Variants in RNF43 observed in about 807,000 individuals in gnomAD.
The protein encoded by RNF43 is E3 ubiquitin-protein ligase RNF43.
In RNF43, 37 loss-of-function variants were observed where a neutral mutation model predicts 78.4. That is an observed-to-expected ratio of 0.47 (90% confidence interval 0.36 to 0.62). The LOEUF is 0.62. Among genes scored for constraint, RNF43 ranks in the 20% least tolerant of loss-of-function variants. The pLI is 0.00. For synonymous variants in RNF43, 347 were observed against 395.0 expected (o/e 0.88, Z 1.44); for missense variants, 774 against 1,007.9 (o/e 0.77, Z 3.14).
chr17:58,358,295 C>G lies in RNF43; in HGVS notation c.1481G>C (p.Ser494Thr), dbSNP rs753298734. The change falls in exon 9 of 10, where the codon AGT becomes ACT. Residue 494 changes from serine (S) to threonine (T), a missense_variant. Transcript: ENST00000407977. The surrounding 1 kb of genome is among the most constrained non-coding windows in gnomAD (Gnocchi z 6.2). ...GCTTAGGGAGCTGCAGAAAGTAGAA[C>G]TGCTGCCATGGACCCCCTGTAGGCT... The part of the protein sequence containing the change: ...DISLQGVHGS[S>T]STFCSSLSSD... 3 of 1,614,180 alleles carry G rather than the reference C, an allele frequency of 1.9e-6. No homozygotes were observed. The highest frequency in any genetic ancestry group is 2.2e-5 in the South Asian group (2 of 91,084).
chr17:58,399,549 C>T (rs1224141342), intron 2 of RNF43, among the ~76,000 whole-genome samples: 2 of 152,172 alleles, frequency 1.3e-5, no homozygotes, highest in African/African-American at 4.8e-5. Flanking sequence ...CAATCCTGAA[C>T]TCCTTCCCTT....
At chr17:58,374,391 CTT>C (rs1284759473) in intron 2 of RNF43, among the ~76,000 whole-genome samples, 5 of 149,192 alleles carry the variant, frequency 3.4e-5, no homozygotes, top group East Asian at 1.9e-4. Flanking sequence ...TCTTTTCACT[CTT>C]CTTTTTTTTT....
At position 58,360,233 on chromosome 17, in the gene RNF43, A is replaced by C; in HGVS notation, c.868T>G (p.Cys290Gly). The C allele has an allele frequency of 6.2e-7, 1 of 1,614,086 alleles. No individual in the cohort carries two copies. Among genetic ancestry groups the C allele is most frequent in the Non-Finnish European group, 8.5e-7 (1 of 1,179,924 alleles). The stretch of plus-strand genomic sequence containing the variant: ...CAGTTACGATGGAACTCATGGAGGC[A>C]GGAAATGACCCGTAGCTCCTGGAGA... The part of the protein sequence containing the change: ...SEGQELRVIS[C>G]LHEFHRNCVD... Residue 290 changes from cysteine (C) to glycine (G), a missense_variant, in exon 8 of 10, where the codon TGC becomes GGC. Physicochemically the swap from Cys to Gly is radical, Grantham distance 159. Coordinates refer to ENST00000407977, the MANE Select transcript of RNF43 (RefSeq NM_017763.6). The surrounding 1 kb of genome is among the most constrained non-coding windows in gnomAD (Gnocchi z 4.3).
intron 8 of RNF43, among the ~76,000 whole-genome samples, chr17:58,359,806 A>G (rs1972790415): frequency 6.8e-6 from 1 of 148,134 alleles, no homozygotes; most frequent in Admixed American, 6.7e-5. Context: ...CATGCCTGTA[A>G]TCTCAGCTAC....
At chr17:58,405,728 AAGAAAG>A (rs984415214) in intron 2 of RNF43, among the ~76,000 whole-genome samples, 7 of 151,638 alleles carry the variant, frequency 4.6e-5, no homozygotes, top group African/African-American at 1.5e-4. Context: ...GAAAGAAAGA[AAGAAAG>A]AAAGAAAGAA....
At position 58,363,308 on chromosome 17, in the gene RNF43, A is replaced by G. The variant is rs1032910124; in HGVS notation, c.549T>C (p.His183=). 1 of 1,614,054 alleles carries G rather than the reference A, an allele frequency of 6.2e-7. No individual in the cohort carries two copies. Among genetic ancestry groups the G allele is most frequent in the East Asian group, 2.2e-5 (1 of 44,880 alleles). Reference sequence around the variant, plus strand: ...GGGGCTCCTTCAGCTCAATCCTCACATGGGCCTTTTGGTTCTTGTACACAA... The same window carrying G: ...GGGGCTCCTTCAGCTCAATCCTCACGTGGGCCTTTTGGTTCTTGTACACAA... The part of the protein sequence containing the change: ...MEFVYKNQKA[H]VRIELKEPPA... The change falls in exon 5 of 10, where the codon CAT becomes CAC. Residue 183 remains histidine, a synonymous_variant. Coordinates refer to ENST00000407977, the MANE Select transcript of RNF43 (RefSeq NM_017763.6).
At chr17:58,370,869 G>A (rs2143512768) in intron 3 of RNF43, 42 bp downstream of exon 3, 1 of 1,522,020 alleles carries the variant, frequency 6.6e-7, no homozygotes, top group South Asian at 1.3e-5. Context: ...GCCCAGAGCT[G>A]GGTGAAGCTC....
intron 2 of RNF43, among the ~76,000 whole-genome samples, chr17:58,374,003 A>G (rs960544154): frequency 1.2e-4 from 19 of 152,168 alleles, no homozygotes; most frequent in African/African-American, 4.6e-4. Flanking sequence ...TACAGTTTAT[A>G]TTTATTGGGT....
chr17:58,407,024 C>T (rs1311202291), intron 2 of RNF43, among the ~76,000 whole-genome samples: 3 of 147,260 alleles, frequency 2.0e-5, no homozygotes, highest in Non-Finnish European at 4.5e-5. Flanking sequence ...AAACAGGAGT[C>T]GTGAAGATAG....
At chr17:58,362,426 G>T (rs1217982332) in intron 6 of RNF43, 118 bp downstream of exon 6, 2 of 629,142 alleles carry the variant, frequency 3.2e-6, no homozygotes, top group Non-Finnish European at 2.7e-6. Context: ...GGGGTATTTT[G>T]ATGTAAATGG....
Position 58,415,808 on chromosome 17 carries a change from AT to A in RNF43, c.-232del. On this transcript the variant is annotated 5_prime_UTR_variant, in exon 2 of 10. The change abolishes the stop of an existing upstream ORF in the 5' untranslated region. Coordinates refer to ENST00000407977, the MANE Select transcript of RNF43 (RefSeq NM_017763.6). The stretch of plus-strand genomic sequence containing the variant: ...TTTTCAGCCCACATCTGCTGCAGGT[AT>A]GTCATTTTCTCCCATCTTCACTGTG... 1.7e-6 allele frequency: 1 copy of A among 572,836 alleles called. No individual in the cohort carries two copies. The highest frequency in any genetic ancestry group is 3.1e-6 in the Non-Finnish European group (1 of 321,474). 35.5% of individuals were successfully genotyped at this position (572,836 alleles called of 1,614,324 possible). A position where few individuals can be genotyped will look rare whatever the true frequency, so the allele number is the denominator to read the frequency against.
At chr17:58,379,180 T>C in intron 2 of RNF43, among the ~76,000 whole-genome samples, 1 of 152,010 alleles carries the variant, frequency 6.6e-6, no homozygotes, top group East Asian at 1.9e-4. Flanking sequence ...AAGCATTAGG[T>C]GAGTACTGTA....
intron 2 of RNF43, among the ~76,000 whole-genome samples, chr17:58,403,491 C>T (rs1050521171): frequency 6.6e-6 from 1 of 152,174 alleles, no homozygotes; most frequent in Admixed American, 6.5e-5. Context: ...ATCTGATTCC[C>T]AGTCTTTGAG....
intron 2 of RNF43, among the ~76,000 whole-genome samples, chr17:58,412,767 T>A (rs540558303): frequency 5.9e-5 from 9 of 151,698 alleles, no homozygotes; most frequent in African/African-American, 1.9e-4. Context: ...GAGCAAAATG[T>A]AAAGAAATGT....
intron 2 of RNF43, among the ~76,000 whole-genome samples, chr17:58,379,432 G>A (rs1973268778): frequency 6.6e-6 from 1 of 152,190 alleles, no homozygotes; most frequent in South Asian, 2.1e-4. Context: ...TGTTGCTTTA[G>A]GATGAGAAAG....
At chr17:58,398,345 C>T (rs1188153811) in intron 2 of RNF43, among the ~76,000 whole-genome samples, 1 of 152,252 alleles carries the variant, frequency 6.6e-6, no homozygotes, top group African/African-American at 2.4e-5. Context: ...AGAGACTGGG[C>T]TAAACTTACA....
intron 4 of RNF43, 33 bp downstream of exon 4, chr17:58,363,493 C>A (rs747646412): frequency 1.9e-6 from 3 of 1,611,584 alleles, no homozygotes; most frequent in Non-Finnish European, 2.5e-6. Flanking sequence ...TCCATCCAGC[C>A]CCCACCTTGA....
chr17:58,366,136 A>G (rs937085062), intron 3 of RNF43, among the ~76,000 whole-genome samples: 10 of 152,258 alleles, frequency 6.6e-5, no homozygotes, highest in African/African-American at 2.4e-4. Context: ...AGGCACATAC[A>G]TGAAGCTATA....
downstream of RNF43, chr17:58,352,751 G>C (rs975293206): frequency 4.7e-6 from 1 of 213,358 alleles, no homozygotes; most frequent in African/African-American, 2.3e-5. Context: ...AAAAAAATGC[G>C]TATTTATCTT....
Sources: gnomAD v4.1 joint callset for allele counts (sites outside exome capture counted in the v4.1 genomes callset) on GRCh38, gnomAD v4.1.1 for gene constraint, Gnocchi (gnomAD v3.1) non-coding constraint, MANE v1.5 for transcripts, NCBI Gene and HGNC (gene_info 2026-07-23, HGNC 2026-07-21) for gene names.